The following HAPSTR1 variants were observed in gnomAD, a reference collection of about 807,000 sequenced individuals.
HAPSTR1 encodes HUWE1 associated protein modifying stress responses.
chr16:9,100,156 C>T, the HAPSTR1 span, among the ~76,000 whole-genome samples: 1 of 152,200 alleles, frequency 6.6e-6, no homozygotes, highest in Non-Finnish European at 1.5e-5. Context: ...TTCTAGTGTG[C>T]TCATAGTGGG....
chr16:9,092,142 A>C, the HAPSTR1 span: 1 of 1,558,128 alleles, frequency 6.4e-7, no homozygotes, highest in Non-Finnish European at 8.7e-7. Flanking sequence ...GCCGAGGCCG[A>C]ACAGGACGAG....
At chr16:9,092,453 G>A in the HAPSTR1 span, among the ~76,000 whole-genome samples, 1 of 152,088 alleles carries the variant, frequency 6.6e-6, no homozygotes, top group South Asian at 2.1e-4. Context: ...GGGAGGCCCG[G>A]GGTTGGGGGG....
At chr16:9,101,154 A>G in the HAPSTR1 span, among the ~76,000 whole-genome samples, 1 of 152,202 alleles carries the variant, frequency 6.6e-6, no homozygotes, top group African/African-American at 2.4e-5. Context: ...CTCTTTCAGA[A>G]TCATTTAAGT....
At chr16:9,115,184 AG>A in the HAPSTR1 span, among the ~76,000 whole-genome samples, 1 of 152,194 alleles carries the variant, frequency 6.6e-6, no homozygotes, top group African/African-American at 2.4e-5. Flanking sequence ...TATTTGATGG[AG>A]GGGAACGCCA....
chr16:9,094,295 A>G, the HAPSTR1 span, among the ~76,000 whole-genome samples: 47 of 152,324 alleles, frequency 3.1e-4, no homozygotes, highest in Non-Finnish European at 4.9e-4. Flanking sequence ...CTTTGATTTT[A>G]TATAGCTGTT....
At chr16:9,099,198 CT>C in the HAPSTR1 span, among the ~76,000 whole-genome samples, 80 of 147,750 alleles carry the variant, frequency 5.4e-4, no homozygotes, top group Non-Finnish European at 9.9e-4. Flanking sequence ...AGTTCATTTT[CT>C]TTTTTTTTTC....
At chr16:9,104,514 T>C in the HAPSTR1 span, 1 of 152,242 alleles carries the variant, frequency 6.6e-6, no homozygotes, top group African/African-American at 2.4e-5. Context: ...TTATAGACGT[T>C]GAATCATTGA....
At chr16:9,116,569 A>C in the HAPSTR1 span, 2 of 1,447,642 alleles carry the variant, frequency 1.4e-6, no homozygotes, top group African/African-American at 1.4e-5. Flanking sequence ...GGAAATAGGC[A>C]GACATGCTTT....
chr16:9,115,717 C>T, the HAPSTR1 span, among the ~76,000 whole-genome samples: 566 of 152,234 alleles, frequency 3.7e-3, 2 homozygotes, highest in African/African-American at 0.013. Context: ...CGGGTTCAAG[C>T]GATTCTCCTC....
chr16:9,115,890 G>A, the HAPSTR1 span, among the ~76,000 whole-genome samples: 2 of 152,302 alleles, frequency 1.3e-5, no homozygotes, highest in Non-Finnish European at 2.9e-5. Flanking sequence ...GATTACAGGT[G>A]TGAGCCACTG....
chr16:9,094,504 A>C, the HAPSTR1 span, among the ~76,000 whole-genome samples: 4 of 151,966 alleles, frequency 2.6e-5, no homozygotes, highest in African/African-American at 9.7e-5. Context: ...TTTTTTAAGA[A>C]GTAGAATATA....
At chr16:9,093,359 A>T in the HAPSTR1 span, among the ~76,000 whole-genome samples, 3 of 152,168 alleles carry the variant, frequency 2.0e-5, no homozygotes, top group South Asian at 6.2e-4. Flanking sequence ...AGTAGTGCTC[A>T]GGTTGAGAAG....
At chr16:9,113,646 T>C in the HAPSTR1 span, among the ~76,000 whole-genome samples, 2 of 152,206 alleles carry the variant, frequency 1.3e-5, no homozygotes, top group African/African-American at 4.8e-5. Context: ...CCCAGTTTAT[T>C]GCTGAACGTG....
chr16:9,093,045 C>T, the HAPSTR1 span: 16 of 1,552,212 alleles, frequency 1.0e-5, no homozygotes, highest in South Asian at 1.5e-4. Flanking sequence ...GAAGGGCCGC[C>T]TGCGTCAGGG....
the HAPSTR1 span, chr16:9,116,900 C>T: frequency 1.2e-6 from 2 of 1,614,018 alleles, no homozygotes; most frequent in Non-Finnish European, 1.7e-6. Flanking sequence ...ATAAACGCAA[C>T]AGAATGATCT....
chr16:9,109,615 C>G, the HAPSTR1 span: 4 of 152,174 alleles, frequency 2.6e-5, no homozygotes, highest in African/African-American at 9.6e-5. Flanking sequence ...CATGCAGGGT[C>G]TGGTGTCATA....
chr16:9,116,965 A>C, the HAPSTR1 span: 7 of 1,598,188 alleles, frequency 4.4e-6, no homozygotes, highest in African/African-American at 6.7e-5. Context: ...TTGATCCTCA[A>C]CATATACTAT....
the HAPSTR1 span, chr16:9,105,325 CTGAA>C: frequency 6.6e-6 from 1 of 152,192 alleles, no homozygotes; most frequent in Non-Finnish European, 1.5e-5. Flanking sequence ...AGATTGGAGA[CTGAA>C]TGCATTCTTA....
the HAPSTR1 span, among the ~76,000 whole-genome samples, chr16:9,094,940 G>C: frequency 6.6e-6 from 1 of 152,330 alleles, no homozygotes; most frequent in Admixed American, 6.5e-5. Context: ...CGTGTAAGAA[G>C]ATGGGTTCAG....
Sources: allele counts gnomAD v4.1 joint callset (sites outside exome capture counted in the v4.1 genomes callset), GRCh38; gene constraint gnomAD v4.1.1; transcripts MANE v1.5; gene names NCBI Gene and HGNC (gene_info 2026-07-23, HGNC 2026-07-21).